CAMTA1: variants seen among roughly 807,000 people sequenced by gnomAD.
CAMTA1 encodes the protein calmodulin-binding transcription activator 1.
A neutral mutation model predicts 170.9 loss-of-function variants in CAMTA1; 27 were observed. That is an observed-to-expected ratio of 0.16 (90% CI 0.12 to 0.22). The LOEUF is 0.22. CAMTA1 is among the 10% of genes least tolerant of loss of function. The pLI, the probability that CAMTA1 is intolerant of heterozygous loss-of-function variation, is 1.00. For synonymous variants in CAMTA1, 833 were observed against 891.5 expected (o/e 0.93, Z 1.17); for missense variants, 1,619 against 2,217.2 (o/e 0.73, Z 5.42).
chr1:6,950,306 A>C (rs1368447906), intron 3 of CAMTA1, among the ~76,000 whole-genome samples: 1 of 152,214 alleles, frequency 6.6e-6, no homozygotes, highest in Non-Finnish European at 1.5e-5. Context: ...ACATCACAGC[A>C]GCCTCTTATC....
chr1:7,225,236 C>T (rs111801334), intron 4 of CAMTA1, among the ~76,000 whole-genome samples: 1 of 152,088 alleles, frequency 6.6e-6, no homozygotes, highest in African/African-American at 2.4e-5. Context: ...AGGCGCCCAC[C>T]ACCATGCCCA....
rs1265721260 is a variant in CAMTA1 at position 7,251,167 on chromosome 1, G to A, written c.438+1541G>A. Among the ~76,000 whole-genome samples the A allele has an allele frequency of 1.3e-5, 2 of 152,172 alleles. No homozygotes were observed. Among genetic ancestry groups the A allele is most frequent in the African/African-American group, 2.4e-5 (1 of 41,436 alleles). ...TGGTATATTTCATCTTTAGTAATAC[G>A]TACATCAGGAACTTCTGCTCGTGAG... is the stretch of plus-strand genomic sequence containing the variant. On this transcript the variant is annotated intron_variant, in intron 5 of 22. Coordinates refer to ENST00000303635, the MANE Select transcript of CAMTA1 (RefSeq NM_015215.4). The surrounding 1 kb of genome is among the most constrained non-coding windows in gnomAD (Gnocchi z 5.1).
chr1:7,579,552 C>CTTTTTTTTTTTTTTTTTTTTTTT (rs3034816), intron 6 of CAMTA1, among the ~76,000 whole-genome samples: 20 of 79,198 alleles, frequency 2.5e-4, no homozygotes, highest in African/African-American at 4.7e-4. Flanking sequence ...CTTTTCTTTT[C>CTTTTTTTTTTTTTTTTTTTTTTT]TTTTTTTTTT....
chr1:7,701,415 T>TA (rs2096438683), intron 11 of CAMTA1, among the ~76,000 whole-genome samples: 4 of 152,120 alleles, frequency 2.6e-5, no homozygotes, highest in Non-Finnish European at 4.4e-5. Flanking sequence ...CTGTATCTGC[T>TA]TTTTTTCTCC....
At chr1:6,885,094 C>T (rs1342746737) in intron 3 of CAMTA1, among the ~76,000 whole-genome samples, 1 of 152,136 alleles carries the variant, frequency 6.6e-6, no homozygotes, top group East Asian at 1.9e-4. Context: ...TAATGGCTTT[C>T]TTGTAATTTG....
intron 5 of CAMTA1, among the ~76,000 whole-genome samples, chr1:7,308,286 A>G (rs572575980): frequency 6.6e-6 from 1 of 151,716 alleles, no homozygotes; most frequent in African/African-American, 2.4e-5. Flanking sequence ...AATCTTATTT[A>G]TCTTTTCAGC....
At chr1:7,399,819 G>A (rs1189119919) in intron 5 of CAMTA1, among the ~76,000 whole-genome samples, 4 of 152,186 alleles carry the variant, frequency 2.6e-5, no homozygotes, top group African/African-American at 9.7e-5. Context: ...TGGTCTGCAA[G>A]GTTTGTGCTG....
intron 5 of CAMTA1, among the ~76,000 whole-genome samples, chr1:7,319,458 G>A (rs1325852110): frequency 3.3e-5 from 5 of 152,238 alleles, no homozygotes; most frequent in South Asian, 4.1e-4. Context: ...TGTTCCTGCT[G>A]TGCCTTCTGC....
At chr1:7,490,121 C>A (rs2149688258) in intron 6 of CAMTA1, among the ~76,000 whole-genome samples, 1 of 152,320 alleles carries the variant, frequency 6.6e-6, no homozygotes, top group East Asian at 1.9e-4. Flanking sequence ...GTTAATGTTG[C>A]AGAGTACGAT....
At chr1:7,459,588 C>T (rs1181695596) in intron 5 of CAMTA1, among the ~76,000 whole-genome samples, 2 of 152,192 alleles carry the variant, frequency 1.3e-5, no homozygotes, top group Admixed American at 6.5e-5. Flanking sequence ...ACAGCCCTGC[C>T]CTTGGACATC....
chr1:7,100,915 C>T (rs1476572822), intron 4 of CAMTA1, among the ~76,000 whole-genome samples: 4 of 152,160 alleles, frequency 2.6e-5, no homozygotes, highest in South Asian at 2.1e-4. Flanking sequence ...AAAGCCTTCG[C>T]GGCAGAGGCT....
chr1:7,202,196 A>T (rs1656833666), intron 4 of CAMTA1, among the ~76,000 whole-genome samples: 1 of 152,146 alleles, frequency 6.6e-6, no homozygotes, highest in African/African-American at 2.4e-5. Context: ...TCAATTGATG[A>T]CAGCTGTATG....
intron 4 of CAMTA1, among the ~76,000 whole-genome samples, chr1:7,193,216 G>T (rs773682081): frequency 8.6e-5 from 13 of 151,984 alleles, no homozygotes; most frequent in Non-Finnish European, 1.8e-4. Flanking sequence ...GCAGGGTATG[G>T]TGGCAGGCGT....
chr1:6,813,451 C>G (rs932607571), intron 1 of CAMTA1, among the ~76,000 whole-genome samples: 2 of 149,726 alleles, frequency 1.3e-5, no homozygotes, highest in Admixed American at 1.3e-4. Flanking sequence ...TCTCTGAAAA[C>G]TGTTGAGTAT....
chr1:7,491,872 C>T, intron 6 of CAMTA1, among the ~76,000 whole-genome samples: 1 of 152,156 alleles, frequency 6.6e-6, no homozygotes, highest in Admixed American at 6.5e-5. Flanking sequence ...TTAATGGGCT[C>T]CCTTCTGCCG....
chr1:7,402,649 G>T (rs2089990793), intron 5 of CAMTA1, among the ~76,000 whole-genome samples: 1 of 152,176 alleles, frequency 6.6e-6, no homozygotes, highest in African/African-American at 2.4e-5. Context: ...TTTGTGGTTT[G>T]CAGTTGTCTT....
chr1:7,341,736 C>T (rs1416389779), intron 5 of CAMTA1, among the ~76,000 whole-genome samples: 1 of 152,240 alleles, frequency 6.6e-6, no homozygotes, highest in Non-Finnish European at 1.5e-5. Flanking sequence ...AGTCTGGGCT[C>T]AGCATCTTGG....
chr1:7,450,618 G>T (rs897788468), intron 5 of CAMTA1, among the ~76,000 whole-genome samples: 1 of 152,202 alleles, frequency 6.6e-6, no homozygotes, highest in African/African-American at 2.4e-5. Context: ...ATACCGCCCC[G>T]TGCAGGTTAG....
In CAMTA1 at chr1:7,653,695, T is replaced by G. The variant is rs1344814599; in HGVS notation, c.665-8031T>G. Among the ~76,000 whole-genome samples the G allele has an allele frequency of 1.3e-5, 2 of 151,858 alleles. 1 individual carries two copies. The highest frequency in any genetic ancestry group is 4.1e-4 in the South Asian group (2 of 4,820). On this transcript the variant is annotated intron_variant, in intron 7 of 22. Transcript: ENST00000303635. The stretch of plus-strand genomic sequence containing the variant: ...GCTTATAGCTCACTGAGGGAAATGA[T>G]GAACCAATTAAAAAAAAAAGTGCTA...
Sources: gnomAD v4.1 joint callset for allele counts (sites outside exome capture counted in the v4.1 genomes callset) on GRCh38, gnomAD v4.1.1 for gene constraint, Gnocchi (gnomAD v3.1) non-coding constraint, MANE v1.5 for transcripts, NCBI Gene and HGNC (gene_info 2026-07-23, HGNC 2026-07-21) for gene names.